Variants in MITF observed in about 807,000 individuals in gnomAD.
The protein encoded by MITF is microphthalmia-associated transcription factor.
In MITF, 17 loss-of-function variants were observed where a neutral mutation model predicts 60.5. The ratio of observed to expected loss-of-function variants is 0.28; its 90% CI spans 0.19 to 0.42. The LOEUF is 0.42. Among genes scored for constraint, MITF ranks in the 10% least tolerant of loss-of-function variants. The pLI is 1.00. For missense variants in MITF, 622 were observed against 683.5 expected, an observed-to-expected ratio of 0.91 and a Z score of 1.00; for synonymous variants, 260 against 248.5, an observed-to-expected ratio of 1.05 and a Z score of -0.43.
intron 1 of MITF, chr3:69,762,757 C>G (rs1575677168): frequency 4.5e-6 from 1 of 223,114 alleles, no homozygotes; most frequent in East Asian, 6.5e-5. Context: ...ATCCTCATCT[C>G]TCCATGAGTC....
At chr3:69,910,704 C>T (rs1038788496) in intron 2 of MITF, among the ~76,000 whole-genome samples, 3 of 152,194 alleles carry the variant, frequency 2.0e-5, no homozygotes, top group Non-Finnish European at 4.4e-5. Context: ...TTCACACTTG[C>T]ATGGGCCCTG....
At chr3:69,962,794 G>T (rs2066582609) in intron 9 of MITF, among the ~76,000 whole-genome samples, 1 of 152,094 alleles carries the variant, frequency 6.6e-6, no homozygotes, top group Non-Finnish European at 1.5e-5. Context: ...TGAGTTACAG[G>T]GGGAATCAAG....
intron 1 of MITF, among the ~76,000 whole-genome samples, chr3:69,783,746 A>G (rs1436948775): frequency 6.6e-6 from 1 of 152,124 alleles, no homozygotes; most frequent in African/African-American, 2.4e-5. Flanking sequence ...GTGTTTCACA[A>G]AGTGTAGTTT....
At chr3:69,813,878 T>G (rs1156384743) in intron 1 of MITF, among the ~76,000 whole-genome samples, 1 of 152,198 alleles carries the variant, frequency 6.6e-6, no homozygotes, top group Non-Finnish European at 1.5e-5. Context: ...ATCCATTACT[T>G]TCTGGAGACC....
At chr3:69,931,609 A>G (rs775049539) in intron 2 of MITF, among the ~76,000 whole-genome samples, 1 of 152,210 alleles carries the variant, frequency 6.6e-6, no homozygotes, top group Admixed American at 6.5e-5. Context: ...TCTTTTATAC[A>G]TATTTACAGC....
chr3:69,792,129 A>G (rs905859757), intron 1 of MITF, among the ~76,000 whole-genome samples: 1 of 152,216 alleles, frequency 6.6e-6, no homozygotes, highest in African/African-American at 2.4e-5. Flanking sequence ...TGATTCCATC[A>G]CTATCTGATG....
intron 1 of MITF, among the ~76,000 whole-genome samples, chr3:69,848,058 G>T (rs1343491724): frequency 6.6e-6 from 1 of 152,240 alleles, no homozygotes; most frequent in African/African-American, 2.4e-5. Flanking sequence ...TTTCCGTGTA[G>T]ATAGAATGAA....
rs1235818301 is a variant in MITF, at chr3:69,802,742, A to G, written c.104+63041A>G. On this transcript the variant is annotated intron_variant, in intron 1 of 9. Coordinates refer to ENST00000352241, the MANE Select transcript of MITF (RefSeq NM_001354604.2). ...GTTTGGCTCTTATTGCCCAGGCTGG[A>G]GTGCAATGGTGTGATCTCGGCTTAC... 2.6e-5 allele frequency among the ~76,000 whole-genome samples: 3 copies of G among 116,774 alleles called. No homozygotes were observed. In the South Asian group the frequency reaches 9.1e-4, roughly 35 times the overall value. 76.6% of individuals were successfully genotyped at this position (116,774 alleles called of 152,430 possible).
chr3:69,869,971 C>T (rs991338846), intron 1 of MITF, among the ~76,000 whole-genome samples: 4 of 152,116 alleles, frequency 2.6e-5, no homozygotes, highest in Middle Eastern at 3.4e-3. Context: ...TGGAGTCTTA[C>T]GTAGAACTCC....
chr3:69,845,442 C>CTTTTTTTTTTTTTTTTTTTTTTTTTTTT (rs751773040), intron 1 of MITF, among the ~76,000 whole-genome samples: 3 of 136,808 alleles, frequency 2.2e-5, no homozygotes, highest in African/African-American at 5.4e-5. Context: ...TTTTTTCTTT[C>CTTTTTTTTTTTTTTTTTTTTTTTTTTTT]TTTTTTTTTT....
At chr3:69,897,773 T>C (rs769983578) in intron 2 of MITF, among the ~76,000 whole-genome samples, 7 of 152,206 alleles carry the variant, frequency 4.6e-5, no homozygotes, top group Non-Finnish European at 1.0e-4. Context: ...GCATTTTGCA[T>C]TGTGTCTAAC....
At chr3:69,753,237 C>T (rs572525531) in intron 1 of MITF, among the ~76,000 whole-genome samples, 1 of 152,346 alleles carries the variant, frequency 6.6e-6, no homozygotes, top group Admixed American at 6.5e-5. Context: ...AGCTGTAAGC[C>T]TTGGTGGCTT....
At chr3:69,910,179 A>T (rs954463781) in intron 2 of MITF, among the ~76,000 whole-genome samples, 1 of 152,202 alleles carries the variant, frequency 6.6e-6, no homozygotes, top group Non-Finnish European at 1.5e-5. Flanking sequence ...ATGGCTTCAG[A>T]GGTTGGAGGC....
intron 1 of MITF, among the ~76,000 whole-genome samples, chr3:69,840,574 A>G (rs2063617929): frequency 6.6e-6 from 1 of 152,106 alleles, no homozygotes; most frequent in South Asian, 2.1e-4. Context: ...GACTTACCAA[A>G]GAGCTTTTTT....
chr3:69,900,859 T>C (rs2064979823), intron 2 of MITF, among the ~76,000 whole-genome samples: 1 of 152,168 alleles, frequency 6.6e-6, no homozygotes, highest in Admixed American at 6.5e-5. Context: ...CTTTATGAAA[T>C]TCTTGCATTT....
chr3:69,803,568 A>G (rs2062956413), intron 1 of MITF, among the ~76,000 whole-genome samples: 2 of 152,220 alleles, frequency 1.3e-5, no homozygotes, highest in Admixed American at 6.5e-5. Flanking sequence ...CCTAAAGAAA[A>G]ATAAAGCCTT....
At chr3:69,770,910 A>G (rs552342072) in intron 1 of MITF, among the ~76,000 whole-genome samples, 1 of 152,206 alleles carries the variant, frequency 6.6e-6, no homozygotes, top group South Asian at 2.1e-4. Flanking sequence ...CATTTGGGAA[A>G]TGAAATGTTC....
chr3:69,779,390 G>T (rs1294362039), intron 1 of MITF, among the ~76,000 whole-genome samples: 1 of 152,180 alleles, frequency 6.6e-6, no homozygotes, highest in African/African-American at 2.4e-5. Flanking sequence ...AGTTAAATAT[G>T]ATGGGGTGTG....
At chr3:69,833,499 G>A (rs555459550) in intron 1 of MITF, among the ~76,000 whole-genome samples, 179 of 151,976 alleles carry the variant, frequency 1.2e-3, no homozygotes, top group African/African-American at 4.0e-3. Context: ...TTCCTTCCCC[G>A]TTTACACTGT....
Sources: allele counts gnomAD v4.1 joint callset (sites outside exome capture counted in the v4.1 genomes callset), GRCh38; gene constraint gnomAD v4.1.1; transcripts MANE v1.5; gene names NCBI Gene and HGNC (gene_info 2026-07-23, HGNC 2026-07-21).